The following PCOLCE variants were observed in gnomAD, a reference collection of about 807,000 sequenced individuals.
PCOLCE encodes the protein procollagen C-endopeptidase enhancer, also known as procollagen C-endopeptidase enhancer 1.
Under a neutral mutation model 47.2 loss-of-function variants are expected in PCOLCE, and 33 were observed. The observed-to-expected ratio is 0.70, with a 90% CI of 0.53 to 0.93. The LOEUF is 0.93. PCOLCE is among the 40% of genes least tolerant of loss of function. The pLI is 0.00. For synonymous variants in PCOLCE, 254 were observed against 252.5 expected (o/e 1.01, Z -0.06); for missense variants, 584 against 585.3 (o/e 1.00, Z 0.02).
Position 100,604,159 on chromosome 7 carries a change from G to A in PCOLCE, c.405G>A (p.Glu135=), listed in dbSNP as rs1201811208. The change falls in exon 3 of 9, where the codon GAG becomes GAA. Residue 135 remains glutamate, a synonymous_variant. Coordinates refer to ENST00000223061, the MANE Select transcript of PCOLCE (RefSeq NM_002593.4). This position sits in a 1 kb window ranked among gnomAD's most constrained non-coding sequence, Gnocchi z 6.4. ...NQVTLRMTTD[E]GTGGRGFLLW... is the part of the protein sequence containing the mutation. The stretch of plus-strand genomic sequence containing the variant: ...TGACCCTGAGGATGACGACGGATGA[G>A]GGCACAGGAGGACGAGGCTTCCTGC... 1 of 1,613,246 alleles carries A rather than the reference G, an allele frequency of 6.2e-7. No homozygotes were observed. The highest frequency in any genetic ancestry group is 1.3e-5 in the African/African-American group (1 of 75,004).
In PCOLCE at chr7:100,605,168, C is replaced by A. The variant is rs1328818513; in HGVS notation, c.541C>A (p.Pro181Thr). The A allele has an allele frequency of 6.2e-7, 1 of 1,612,958 alleles. No homozygotes were observed. Among genetic ancestry groups the A allele is most frequent in the Non-Finnish European group, 8.5e-7 (1 of 1,179,540 alleles). Reference protein sequence around the residue: ...TTPNWPESDYPPGISCSWHII... With the variant: ...TTPNWPESDYTPGISCSWHII... ...GCCCAACTGGCCCGAGTCCGATTAC[C>A]CCCCGGGCATCAGCTGTTCCTGGCA... The change falls in exon 4 of 9, where the codon CCC becomes ACC. Residue 181 changes from proline to threonine, a missense_variant. Transcript: ENST00000223061. The surrounding 1 kb of genome is among the most constrained non-coding windows in gnomAD (Gnocchi z 6.1).
At position 100,605,065 on chromosome 7, in the gene PCOLCE, C is replaced by A; in HGVS notation, c.464-26C>A. The A allele has an allele frequency of 6.3e-7, 1 of 1,579,088 alleles. No homozygotes were observed. The highest frequency in any genetic ancestry group is 8.7e-7 in the Non-Finnish European group (1 of 1,152,440). The stretch of plus-strand genomic sequence containing the variant: ...GACCGAGGGTCTCCACCGCCCCCCA[C>A]CCCCGCTCCTCTCTCCCCTCCCCAG... On this transcript the variant is annotated intron_variant, in intron 3 of 8. Coordinates refer to ENST00000223061, the MANE Select transcript of PCOLCE (RefSeq NM_002593.4). The surrounding 1 kb of genome is among the most constrained non-coding windows in gnomAD (Gnocchi z 6.1).
At chr7:100,607,090 C>CAAAAAAAAAAAAAA (rs559618495) in intron 6 of PCOLCE, among the ~76,000 whole-genome samples, 30 of 105,228 alleles carry the variant, frequency 2.9e-4, no homozygotes, top group African/African-American at 9.5e-4. Flanking sequence ...GATTCTGTCT[C>CAAAAAAAAAAAAAA]AAAAAAAAAA....
chr7:100,606,503 G>C lies in PCOLCE; in HGVS notation c.813G>C (p.Lys271Asn). The change falls in exon 6 of 9, where the codon AAG becomes AAC. Residue 271 changes from lysine to asparagine, a missense_variant. Coordinates refer to ENST00000223061, the MANE Select transcript of PCOLCE (RefSeq NM_002593.4). ...CTGATGGCTTCTCAGCCTCCTACAA[G>C]ACCCTGCCGCGGGGCACTGCCAAAG... ...VTADGFSASY[K>N]TLPRGTAKEG... is the part of the protein sequence containing the mutation. 3 of 1,614,188 alleles carry C rather than the reference G, an allele frequency of 1.9e-6. No individual in the cohort carries two copies. Among genetic ancestry groups the C allele is most frequent in the Non-Finnish European group, 2.5e-6 (3 of 1,180,016 alleles).
At chr7:100,602,671 C>T (rs1241055545) in intron 1 of PCOLCE, 120 bp downstream of exon 1, 2 of 693,834 alleles carry the variant, frequency 2.9e-6, no homozygotes, top group Non-Finnish European at 5.2e-6. Context: ...AGATTCCCCA[C>T]CGCCTCACCC....
rs750759148 is a variant in PCOLCE at position 100,605,209 on chromosome 7, G to A, written c.582G>A (p.Pro194=). The change falls in exon 4 of 9, where the codon CCG becomes CCA. Residue 194 remains proline (P), a synonymous_variant. Transcript: ENST00000223061. The surrounding 1 kb of genome is among the most constrained non-coding windows in gnomAD (Gnocchi z 6.1). ...GTTCCTGGCACATCATCGCGCCCCC[G>A]GACCAGGTACCGACCCTCCTCCCCG... is the stretch of plus-strand genomic sequence containing the variant. ...ISCSWHIIAP[P]DQVIALTFEK... The A allele has an allele frequency of 6.2e-7, 1 of 1,611,956 alleles. No individual in the cohort carries two copies. Among genetic ancestry groups the A allele is most frequent in the Non-Finnish European group, 8.5e-7 (1 of 1,179,116 alleles).
In PCOLCE at chr7:100,605,865, C is replaced by G. The variant is rs1433635315; in HGVS notation, c.725+53C>G. 2 of 1,531,018 alleles carry G rather than the reference C, an allele frequency of 1.3e-6. No homozygotes were observed. Among genetic ancestry groups the G allele is most frequent in the Non-Finnish European group, 1.8e-6 (2 of 1,132,932 alleles). 94.8% of individuals were successfully genotyped at this position (1,531,018 alleles called of 1,614,324 possible). A position where few individuals can be genotyped will look rare whatever the true frequency, so the allele number is the denominator to read the frequency against. ...GGAGAGAGTCGGCGGACCGCACGCA[C>G]GCGGCTGTTTGGAGGGGCGGGGTTC... On this transcript the variant is annotated intron_variant, in intron 5 of 8. Coordinates refer to ENST00000223061, the MANE Select transcript of PCOLCE (RefSeq NM_002593.4). This position sits in a 1 kb window ranked among gnomAD's most constrained non-coding sequence, Gnocchi z 6.1.
chr7:100,607,630 C>T lies in PCOLCE; in HGVS notation c.1013-7C>T, dbSNP rs1157851729. The T allele has an allele frequency of 1.2e-6, 2 of 1,613,724 alleles. No homozygotes were observed. The highest frequency in any genetic ancestry group is 1.7e-5 in the Admixed American group (1 of 60,008). ...TCTCCTCATCTCTCACTCCCATTCT[C>T]CCACAGTGGTGACTGCGACAGTGAA... On this transcript the variant is annotated splice_polypyrimidine_tract_variant and splice_region_variant and intron_variant, in intron 7 of 8. Transcript: ENST00000223061.
At position 100,608,109 on chromosome 7, in the gene PCOLCE, A is replaced by G; in HGVS notation, c.*6A>G. Reference sequence around the variant, plus strand: ...CTGCTGCGTCCCAGGACTGAGACGCAGGCCAGCCCCGGCCCCTAGCCCTCA... The same window carrying G: ...CTGCTGCGTCCCAGGACTGAGACGCGGGCCAGCCCCGGCCCCTAGCCCTCA... On this transcript the variant is annotated 3_prime_UTR_variant, in exon 9 of 9. Coordinates refer to ENST00000223061, the MANE Select transcript of PCOLCE (RefSeq NM_002593.4). 6.2e-7 allele frequency: 1 copy of G among 1,612,704 alleles called. No individual in the cohort carries two copies. Among genetic ancestry groups the G allele is most frequent in the Non-Finnish European group, 8.5e-7 (1 of 1,179,424 alleles).
Position 100,605,142 on chromosome 7 carries a change from C to T in PCOLCE, c.515C>T (p.Thr172Met), listed in dbSNP as rs1270797150. The T allele has an allele frequency of 6.2e-7, 1 of 1,612,926 alleles. No individual in the cohort carries two copies. The highest frequency in any genetic ancestry group is 2.2e-5 in the East Asian group (1 of 44,868). Reference protein sequence around the residue: ...RLEKAQGTLTTPNWPESDYPP... With the variant: ...RLEKAQGTLTMPNWPESDYPP... ...GAGAAGGCCCAGGGAACCCTGACCA[C>T]GCCCAACTGGCCCGAGTCCGATTAC... Residue 172 changes from threonine to methionine, a missense_variant, in exon 4 of 9, where the codon ACG (threonine) becomes ATG (methionine). Coordinates refer to ENST00000223061, the MANE Select transcript of PCOLCE (RefSeq NM_002593.4). This position sits in a 1 kb window ranked among gnomAD's most constrained non-coding sequence, Gnocchi z 6.1.
In PCOLCE at chr7:100,604,270, C is replaced by A; in HGVS notation, c.463+53C>A. ...CCCCCTCCAGGCCCCGCCCCGGCCG[C>A]AGCCCCGCCCCCAGCCCTAACCTCC... On this transcript the variant is annotated intron_variant, in intron 3 of 8. Transcript: ENST00000223061. This position sits in a 1 kb window ranked among gnomAD's most constrained non-coding sequence, Gnocchi z 6.4. 6.8e-7 allele frequency: 1 copy of A among 1,477,514 alleles called. No homozygotes were observed. Among genetic ancestry groups the A allele is most frequent in the Non-Finnish European group, 9.1e-7 (1 of 1,099,442 alleles). 91.5% of individuals were successfully genotyped at this position (1,477,514 alleles called of 1,614,324 possible).
chr7:100,607,090 C>CAAAAAAAAAAAAAAAAAAAAAAAAAAAA (rs559618495), intron 6 of PCOLCE, among the ~76,000 whole-genome samples: 9 of 105,244 alleles, frequency 8.6e-5, no homozygotes, highest in African/African-American at 3.0e-4. Flanking sequence ...GATTCTGTCT[C>CAAAAAAAAAAAAAAAAAAAAAAAAAAAA]AAAAAAAAAA....
rs1360206811 is a variant in PCOLCE at position 100,607,511 on chromosome 7, G to T, written c.1000G>T (p.Ala334Ser). ...AGGCACCTTGCAGAGCAACTTCTGT[G>T]CCAGCAGCCTTGGTAAGAATACCCC... ...RTGTLQSNFC[A>S]SSLVVTATVK... Residue 334 changes from alanine to serine, a missense_variant, in exon 7 of 9, where the codon GCC (alanine) becomes TCC (serine). Transcript: ENST00000223061. 3 of 1,614,078 alleles carry T rather than the reference G, an allele frequency of 1.9e-6. No homozygotes were observed. The highest frequency in any genetic ancestry group is 1.7e-6 in the Non-Finnish European group (2 of 1,179,998).
rs930678341 is a variant in PCOLCE at position 100,604,459 on chromosome 7, C to T, written c.463+242C>T. 1.6e-6 allele frequency: 1 copy of T among 615,898 alleles called. No homozygotes were observed. Among genetic ancestry groups the T allele is most frequent in the Non-Finnish European group, 2.9e-6 (1 of 344,624 alleles). The allele number at this position is 615,898 out of a possible 1,614,324, so 38.2% of individuals were successfully genotyped here. A position where few individuals can be genotyped will look rare whatever the true frequency, so the allele number is the denominator to read the frequency against. On this transcript the variant is annotated intron_variant, in intron 3 of 8. Transcript: ENST00000223061. The surrounding 1 kb of genome is among the most constrained non-coding windows in gnomAD (Gnocchi z 6.4). ...CCCCAGGCGCGAGGCGGAAATGGGT[C>T]ACCGACCCGCGGGTGGAATGGGCGG...
Position 100,608,034 on chromosome 7 carries a change from G to A in PCOLCE, c.1281G>A (p.Gln427=), listed in dbSNP as rs763353312. 5 of 1,614,150 alleles carry A rather than the reference G, an allele frequency of 3.1e-6. No homozygotes were observed. The highest frequency in any genetic ancestry group is 4.2e-6 in the Non-Finnish European group (5 of 1,180,034). ...FVVLHRPNQD[Q]ILTNLSKRKC... is the part of the protein sequence containing the mutation. ...TTCTCCACCGGCCCAACCAGGACCA[G>A]ATCCTCACCAACCTAAGCAAGAGGA... The change falls in exon 9 of 9, where the codon CAG becomes CAA. Residue 427 remains glutamine, a synonymous_variant. Transcript: ENST00000223061.
chr7:100,607,863 C>T (rs1802744524), intron 8 of PCOLCE, 56 bp downstream of exon 8: 9 of 1,611,118 alleles, frequency 5.6e-6, no homozygotes, highest in Non-Finnish European at 7.6e-6. Context: ...CAGAAATGAT[C>T]AAGGTGTGGA....
rs767403163 is a variant in PCOLCE, at chr7:100,604,064, T to G, written c.310T>G (p.Ser104Ala). ...ALEVFAGSGT[S>A]GQRLGRFCGT... is the part of the protein sequence containing the mutation. ...GGAGGTCTTCGCTGGGTCTGGGACTTCCGGCCAGCGGCTCGGACGCTTTTG... is the reference window on the plus strand; with the variant it reads ...GGAGGTCTTCGCTGGGTCTGGGACTGCCGGCCAGCGGCTCGGACGCTTTTG... The change falls in exon 3 of 9, where the codon TCC (serine) becomes GCC (alanine). Residue 104 changes from serine to alanine, a missense_variant. Ser to Ala is a moderately conservative substitution (Grantham distance 99, BLOSUM62 1). Coordinates refer to ENST00000223061, the MANE Select transcript of PCOLCE (RefSeq NM_002593.4). This position sits in a 1 kb window ranked among gnomAD's most constrained non-coding sequence, Gnocchi z 6.4. 1 of 1,609,094 alleles carries G rather than the reference T, an allele frequency of 6.2e-7. No individual in the cohort carries two copies. The highest frequency in any genetic ancestry group is 1.3e-5 in the African/African-American group (1 of 75,040).
At position 100,607,867 on chromosome 7, in the gene PCOLCE, G is replaced by T. The variant is rs1296984956; in HGVS notation, c.1183+60G>T. 7.4e-6 allele frequency: 12 copies of T among 1,611,264 alleles called. No individual in the cohort carries two copies. The East Asian group carries it at 2.5e-4, about 33-fold the overall frequency. On this transcript the variant is annotated intron_variant, in intron 8 of 8. Transcript: ENST00000223061. ...GCTAAGCCACACAGAAATGATCAAG[G>T]TGTGGAATCTTGAGACCTGCTGACA...
chr7:100,607,825 A>G lies in PCOLCE; in HGVS notation c.1183+18A>G, dbSNP rs1802743927. 1 of 1,613,858 alleles carries G rather than the reference A, an allele frequency of 6.2e-7. No individual in the cohort carries two copies. Among genetic ancestry groups the G allele is most frequent in the Non-Finnish European group, 8.5e-7 (1 of 1,179,916 alleles). The stretch of plus-strand genomic sequence containing the variant: ...GAAGAAAGGTAACAGAGATGTGGGG[A>G]AATGGGGATGGGTCAAGCTAAGCCA... On this transcript the variant is annotated intron_variant, in intron 8 of 8. Coordinates refer to ENST00000223061, the MANE Select transcript of PCOLCE (RefSeq NM_002593.4).
Sources: allele counts gnomAD v4.1 joint callset (sites outside exome capture counted in the v4.1 genomes callset), GRCh38; gene constraint gnomAD v4.1.1; non-coding constraint Gnocchi (gnomAD v3.1); transcripts MANE v1.5; gene names NCBI Gene and HGNC (gene_info 2026-07-23, HGNC 2026-07-21).